The following MOB1B variants were observed in gnomAD, a reference collection of about 807,000 sequenced individuals.
MOB1B encodes the protein MOB1 Mps One Binder homolog B.
A neutral mutation model predicts 24.4 loss-of-function variants in MOB1B; 19 were observed. The ratio of observed to expected loss-of-function variants is 0.78; its 90% confidence interval spans 0.54 to 1.14. MOB1B has a LOEUF of 1.14. Among genes scored for constraint, MOB1B ranks in the 50% most tolerant of loss-of-function variants. The probability of loss-of-function intolerance (pLI) is 0.00; values close to 1 mark genes in which losing one functional copy is unlikely to be tolerated. For missense variants in MOB1B, 243 were observed against 259.6 expected, an observed-to-expected ratio of 0.94 and a Z score of 0.44; for synonymous variants, 76 against 82.1, an observed-to-expected ratio of 0.93 and a Z score of 0.40.
intron 5 of MOB1B, among the ~76,000 whole-genome samples, chr4:70,980,414 G>T (rs935548071): frequency 1.3e-5 from 2 of 152,160 alleles, no homozygotes; most frequent in Non-Finnish European, 2.9e-5. Flanking sequence ...TGGACTCAGT[G>T]ATCTTACACT....
chr4:70,947,187 C>T (rs1373081384), intron 1 of MOB1B, among the ~76,000 whole-genome samples: 1 of 152,208 alleles, frequency 6.6e-6, no homozygotes, highest in South Asian at 2.1e-4. Flanking sequence ...GGGATGATAT[C>T]ACCAGTTTTG....
chr4:70,924,150 G>A (rs888960582), intron 1 of MOB1B, among the ~76,000 whole-genome samples: 2 of 152,244 alleles, frequency 1.3e-5, no homozygotes, highest in Non-Finnish European at 2.9e-5. Flanking sequence ...GAATCCATTT[G>A]TTTGCTGGAG....
At chr4:70,914,052 A>G (rs1421364705) in intron 1 of MOB1B, among the ~76,000 whole-genome samples, 3 of 152,148 alleles carry the variant, frequency 2.0e-5, no homozygotes, top group Non-Finnish European at 4.4e-5. Flanking sequence ...TCTTGAGGGT[A>G]GAGCCCTCAA....
At chr4:70,943,689 C>T (rs183379977) in intron 1 of MOB1B, among the ~76,000 whole-genome samples, 2 of 152,234 alleles carry the variant, frequency 1.3e-5, no homozygotes, top group East Asian at 3.9e-4. Flanking sequence ...GCACACTTCT[C>T]ATAGCTTGGT....
chr4:70,911,991 G>A (rs1230407796), intron 1 of MOB1B, among the ~76,000 whole-genome samples: 1 of 151,256 alleles, frequency 6.6e-6, no homozygotes, highest in Non-Finnish European at 1.5e-5. Flanking sequence ...CTGCCTCCTG[G>A]GTTCAAGTGA....
At position 70,983,589 on chromosome 4, in the gene MOB1B, A is replaced by C. The variant is rs1739285707; in HGVS notation, c.*1532A>C. 6.6e-6 allele frequency: 1 copy of C among 152,566 alleles called. No individual in the cohort carries two copies. The highest frequency in any genetic ancestry group is 1.5e-5 in the Non-Finnish European group (1 of 68,000). 9.5% of individuals were successfully genotyped at this position (152,566 alleles called of 1,614,324 possible). ...AAATATATATCCTTCCTTCAGTTGA[A>C]ACATATACCTTTTTCACATCTAGGA... On this transcript the variant is annotated 3_prime_UTR_variant, in exon 6 of 6. Transcript: ENST00000309395.
At chr4:70,950,427 C>CAAAAAAAAAA in intron 1 of MOB1B, among the ~76,000 whole-genome samples, 1 of 70,392 alleles carries the variant, frequency 1.4e-5, no homozygotes, top group Non-Finnish European at 3.4e-5. Context: ...GTCTCTGTAT[C>CAAAAAAAAAA]AAAAAAAAAA....
chr4:70,977,502 AAAAT>A (rs898930933), intron 4 of MOB1B, among the ~76,000 whole-genome samples: 1 of 152,156 alleles, frequency 6.6e-6, no homozygotes, highest in African/African-American at 2.4e-5. Flanking sequence ...TACATTTTTT[AAAAT>A]AAATTTTATT....
chr4:70,971,628 A>G (rs1225672114), intron 3 of MOB1B, among the ~76,000 whole-genome samples: 2 of 152,150 alleles, frequency 1.3e-5, no homozygotes, highest in African/African-American at 4.8e-5. Flanking sequence ...GGGGGCATTT[A>G]GAAATGAAAT....
intron 1 of MOB1B, among the ~76,000 whole-genome samples, chr4:70,929,002 C>A (rs1736767060): frequency 6.6e-6 from 1 of 152,090 alleles, no homozygotes; most frequent in Non-Finnish European, 1.5e-5. Flanking sequence ...GTTCCCTCTA[C>A]CAGGGAATGA....
intron 1 of MOB1B, 25 bp from the exon 2 acceptor site, chr4:70,958,849 C>CTTTTTTTTTT (rs201154218): frequency 3.2e-6 from 5 of 1,553,976 alleles, no homozygotes; most frequent in Admixed American, 1.8e-5. Context: ...ATATTAAACC[C>CTTTTTTTTTT]TTTTTTTTTC....
chr4:70,957,832 G>C (rs1241190121), intron 1 of MOB1B, among the ~76,000 whole-genome samples: 1 of 149,762 alleles, frequency 6.7e-6, no homozygotes, highest in Admixed American at 6.7e-5. Flanking sequence ...TCACAGGTGT[G>C]ATCATAGTGC....
At chr4:70,909,050 C>CA (rs746664159) in intron 1 of MOB1B, among the ~76,000 whole-genome samples, 6,941 of 85,542 alleles carry the variant, frequency 0.081, 382 homozygotes, top group African/African-American at 0.2. Flanking sequence ...GACTCCATCT[C>CA]AAAAAAAAAA....
intron 1 of MOB1B, among the ~76,000 whole-genome samples, chr4:70,911,527 G>A (rs551880561): frequency 6.6e-6 from 1 of 152,182 alleles, no homozygotes; most frequent in African/African-American, 2.4e-5. Context: ...TTTGGGAATT[G>A]CAGGACTGAC....
At chr4:70,938,947 A>C (rs962133614) in intron 1 of MOB1B, among the ~76,000 whole-genome samples, 2 of 151,918 alleles carry the variant, frequency 1.3e-5, no homozygotes, top group Non-Finnish European at 2.9e-5. Context: ...CGACCTCCCA[A>C]AGTGCTGGGA....
chr4:70,929,225 C>T (rs1203104693), intron 1 of MOB1B, among the ~76,000 whole-genome samples: 1 of 132,180 alleles, frequency 7.6e-6, no homozygotes, highest in Non-Finnish European at 1.5e-5. Context: ...GTCACCCAGG[C>T]TGGAGTGCAG....
chr4:70,984,953 G>A lies in MOB1B; in HGVS notation c.*2896G>A, dbSNP rs1241456060. ...GTCTCTTTCTACCTTCCCTCTGTTA[G>A]TCATTTGTAAATTCTAAATGGTCAC... On this transcript the variant is annotated 3_prime_UTR_variant, in exon 6 of 6. Transcript: ENST00000309395. 4 of 152,192 alleles carry A rather than the reference G, an allele frequency of 2.6e-5. No individual in the cohort carries two copies. In the East Asian group the frequency reaches 7.7e-4, roughly 29 times the overall value. 9.4% of individuals were successfully genotyped at this position (152,192 alleles called of 1,614,324 possible). A position where few individuals can be genotyped will look rare whatever the true frequency, so the allele number is the denominator to read the frequency against.
At chr4:70,924,027 AAG>A (rs1339185848) in intron 1 of MOB1B, among the ~76,000 whole-genome samples, 1 of 151,960 alleles carries the variant, frequency 6.6e-6, no homozygotes, top group Admixed American at 6.6e-5. Flanking sequence ...TCTGTAAATA[AAG>A]AGTAATTTAG....
At chr4:70,940,577 T>A (rs1453382110) in intron 1 of MOB1B, among the ~76,000 whole-genome samples, 3 of 152,224 alleles carry the variant, frequency 2.0e-5, no homozygotes, top group African/African-American at 7.2e-5. Flanking sequence ...TCAACATTGT[T>A]ATCAGTTAAA....
Sources: allele counts gnomAD v4.1 joint callset (sites outside exome capture counted in the v4.1 genomes callset), GRCh38; gene constraint gnomAD v4.1.1; transcripts MANE v1.5; gene names NCBI Gene and HGNC (gene_info 2026-07-23, HGNC 2026-07-21).